Variants in GALNTL6 observed in about 807,000 individuals in gnomAD.
GALNTL6 encodes the protein polypeptide N-acetylgalactosaminyltransferase-like 6.
In GALNTL6, 46 loss-of-function variants were observed where a neutral mutation model predicts 73.7. The observed-to-expected ratio is 0.62, with a 90% CI of 0.49 to 0.80. The LOEUF (loss-of-function observed/expected upper bound fraction) is 0.80, where lower values mean the gene tolerates loss of function less well. Among genes scored for constraint, GALNTL6 ranks in the 30% least tolerant of loss-of-function variants. The pLI is 0.00. For missense variants in GALNTL6, 604 were observed against 755.0 expected, an observed-to-expected ratio of 0.80 and a Z score of 2.34; for synonymous variants, 259 against 263.7, an observed-to-expected ratio of 0.98 and a Z score of 0.17.
chr4:172,863,937 G>C (rs148768039), intron 7 of GALNTL6, among the ~76,000 whole-genome samples: 6 of 152,222 alleles, frequency 3.9e-5, no homozygotes, highest in African/African-American at 1.4e-4. Context: ...TCATGGTAGT[G>C]GGCCTTTCCC....
chr4:172,681,663 T>C (rs1399845647), intron 5 of GALNTL6, among the ~76,000 whole-genome samples: 1 of 152,220 alleles, frequency 6.6e-6, no homozygotes, highest in Non-Finnish European at 1.5e-5. Context: ...TTATGATTCC[T>C]GCATCATAAC....
At chr4:172,884,535 T>C (rs922943581) in intron 8 of GALNTL6, among the ~76,000 whole-genome samples, 1 of 152,156 alleles carries the variant, frequency 6.6e-6, no homozygotes, top group South Asian at 2.1e-4. Flanking sequence ...CTTTGTCAGA[T>C]AGATAGTTTG....
At chr4:172,446,704 A>T (rs1249549338) in intron 5 of GALNTL6, among the ~76,000 whole-genome samples, 18 of 152,142 alleles carry the variant, frequency 1.2e-4, no homozygotes. Flanking sequence ...ATTGTCACAA[A>T]AGTAAAAAGT....
chr4:172,516,817 G>A (rs1390292579), intron 5 of GALNTL6, among the ~76,000 whole-genome samples: 1 of 152,168 alleles, frequency 6.6e-6, no homozygotes, highest in African/African-American at 2.4e-5. Flanking sequence ...TAAATAAAAT[G>A]TGGTATATAC....
chr4:172,558,908 C>A (rs1736241174), intron 5 of GALNTL6, among the ~76,000 whole-genome samples: 1 of 152,066 alleles, frequency 6.6e-6, no homozygotes. Context: ...GATGGAAATG[C>A]TTCCAAATCC....
intron 9 of GALNTL6, among the ~76,000 whole-genome samples, chr4:172,933,601 T>A (rs1748464435): frequency 6.6e-6 from 1 of 152,122 alleles, no homozygotes; most frequent in Non-Finnish European, 1.5e-5. Context: ...GTCATAAATA[T>A]TAAAGCTTGA....
At chr4:172,599,399 ACGACT>A (rs1406953829) in intron 5 of GALNTL6, among the ~76,000 whole-genome samples, 1 of 152,166 alleles carries the variant, frequency 6.6e-6, no homozygotes, top group Admixed American at 6.6e-5. Context: ...AAAGAAAAAA[ACGACT>A]TGATTGGTCT....
At chr4:172,268,053 T>A (rs184165083) in intron 3 of GALNTL6, among the ~76,000 whole-genome samples, 119 of 152,292 alleles carry the variant, frequency 7.8e-4, no homozygotes, top group Admixed American at 1.7e-3. Flanking sequence ...ACTAGCAGAA[T>A]CCAAATATCT....
chr4:172,113,109 T>A (rs964325029), intron 2 of GALNTL6, among the ~76,000 whole-genome samples: 3 of 151,996 alleles, frequency 2.0e-5, no homozygotes, highest in African/African-American at 7.2e-5. Context: ...TAGCATTTTT[T>A]AGAATGTCTT....
At chr4:172,461,301 ATG>A (rs1437370648) in intron 5 of GALNTL6, among the ~76,000 whole-genome samples, 20 of 152,208 alleles carry the variant, frequency 1.3e-4, no homozygotes. Context: ...CCACCATGGC[ATG>A]TGTGTACCTA....
At chr4:171,986,734 A>C (rs1173444933) in intron 2 of GALNTL6, among the ~76,000 whole-genome samples, 1 of 152,170 alleles carries the variant, frequency 6.6e-6, no homozygotes, top group South Asian at 2.1e-4. Context: ...TTTTGTATGA[A>C]TTGAAAAACT....
intron 7 of GALNTL6, among the ~76,000 whole-genome samples, chr4:172,833,844 C>A (rs1023584779): frequency 1.3e-5 from 2 of 152,130 alleles, no homozygotes; most frequent in African/African-American, 4.8e-5. Context: ...CTTCCCCAAC[C>A]CCTCATTTAC....
At chr4:172,904,656 C>G (rs559475031) in intron 8 of GALNTL6, among the ~76,000 whole-genome samples, 29 of 152,240 alleles carry the variant, frequency 1.9e-4, no homozygotes, top group African/African-American at 7.0e-4. Context: ...TCCTCCAGAC[C>G]TGTTCCTTCT....
At chr4:172,743,070 A>G (rs1736894023) in intron 5 of GALNTL6, among the ~76,000 whole-genome samples, 1 of 152,068 alleles carries the variant, frequency 6.6e-6, no homozygotes, top group Admixed American at 6.6e-5. Flanking sequence ...CTCAATAGCA[A>G]GCAAAGAAGT....
chr4:172,892,227 G>A (rs1467572395), intron 8 of GALNTL6, among the ~76,000 whole-genome samples: 1 of 152,164 alleles, frequency 6.6e-6, no homozygotes, highest in Non-Finnish European at 1.5e-5. Flanking sequence ...CTGACTTTTT[G>A]AATTGCCTGA....
intron 4 of GALNTL6, among the ~76,000 whole-genome samples, chr4:172,336,517 C>T (rs1297660912): frequency 5.3e-5 from 8 of 151,496 alleles, no homozygotes; most frequent in African/African-American, 1.5e-4. Context: ...CCTCAGGATC[C>T]GCCCACCTCG....
intron 4 of GALNTL6, among the ~76,000 whole-genome samples, chr4:172,341,824 G>A (rs887343758): frequency 3.9e-5 from 6 of 152,028 alleles, no homozygotes; most frequent in Admixed American, 6.6e-5. Flanking sequence ...GCCTAGTCTC[G>A]GGTATGTCTT....
At chr4:172,802,975 C>T (rs1302203484) in intron 5 of GALNTL6, among the ~76,000 whole-genome samples, 1 of 152,316 alleles carries the variant, frequency 6.6e-6, no homozygotes, top group East Asian at 1.9e-4. Flanking sequence ...TGCACACTGA[C>T]ATGTAGACAT....
chr4:172,549,184 T>C (rs1411195209), intron 5 of GALNTL6, among the ~76,000 whole-genome samples: 1 of 152,178 alleles, frequency 6.6e-6, no homozygotes, highest in African/African-American at 2.4e-5. Flanking sequence ...TTTTCCCAAC[T>C]CCCAGTCCCT....
Sources: gnomAD v4.1 joint callset for allele counts (sites outside exome capture counted in the v4.1 genomes callset) on GRCh38, gnomAD v4.1.1 for gene constraint, MANE v1.5 for transcripts, NCBI Gene and HGNC (gene_info 2026-07-23, HGNC 2026-07-21) for gene names.